SERPINA1: variants seen among roughly 807,000 people sequenced by gnomAD.
SERPINA1 encodes the protein alpha-1-antitrypsin.
SERPINA1 carries 21 observed loss-of-function variants against 25.4 expected under a neutral mutation model. That is an observed-to-expected ratio of 0.83 (90% CI 0.59 to 1.19). The LOEUF is 1.19. Among genes scored for constraint, SERPINA1 ranks in the 50% most tolerant of loss-of-function variants. SERPINA1 has a pLI of 0.00. For synonymous variants in SERPINA1, 218 were observed against 211.1 expected (o/e 1.03, Z -0.29); for missense variants, 546 against 509.0 (o/e 1.07, Z -0.70).
chr14:94,385,594 T>C (rs1415590003), intron 1 of SERPINA1, among the ~76,000 whole-genome samples: 1 of 152,252 alleles, frequency 6.6e-6, no homozygotes, highest in Non-Finnish European at 1.5e-5. Context: ...CCCAAAGTGC[T>C]GGGGTTACAG....
upstream of SERPINA1, chr14:94,389,484 A>T (rs913344062): frequency 7.9e-5 from 12 of 152,200 alleles, no homozygotes; most frequent in African/African-American, 2.9e-4. Flanking sequence ...CTGGAAAACC[A>T]GTGTGATCCG....
rs1223721712 is a variant in SERPINA1 at position 94,377,200 on chromosome 14, T to C, written c.*1249A>G. On this transcript the variant is annotated 3_prime_UTR_variant, in exon 5 of 5. Coordinates refer to ENST00000393087, the MANE Select transcript of SERPINA1 (RefSeq NM_000295.5). ...GAGTGGTTAGACAGTGATTCCTAGA[T>C]TAGTTTGGGATGGGGCAGTGCCTTC... 6.6e-6 allele frequency: 1 copy of C among 152,238 alleles called. No individual in the cohort carries two copies. Among genetic ancestry groups the C allele is most frequent in the Non-Finnish European group, 1.5e-5 (1 of 68,056 alleles). 9.4% of individuals were successfully genotyped at this position (152,238 alleles called of 1,614,324 possible). A position where few individuals can be genotyped will look rare whatever the true frequency, so the allele number is the denominator to read the frequency against.
intron 1 of SERPINA1, among the ~76,000 whole-genome samples, chr14:94,387,332 C>T (rs1016456583): frequency 3.9e-5 from 6 of 152,204 alleles, no homozygotes; most frequent in African/African-American, 1.4e-4. Flanking sequence ...ACATAAAATG[C>T]CAAGAAGTGC....
At chr14:94,390,415 C>T (rs1025446763), upstream of SERPINA1, 1 of 152,638 alleles carries the variant, frequency 6.6e-6, no homozygotes, top group Non-Finnish European at 1.5e-5. Flanking sequence ...TGCTGTCCCT[C>T]CCACCTGTGG....
intron 1 of SERPINA1, among the ~76,000 whole-genome samples, chr14:94,386,249 G>A (rs948469292): frequency 3.9e-5 from 6 of 152,290 alleles, no homozygotes; most frequent in East Asian, 3.9e-4. Context: ...AAGAATGAAG[G>A]CTTCATGGTG....
At chr14:94,382,432 A>G (rs1490234604) in intron 2 of SERPINA1, among the ~76,000 whole-genome samples, 160 bp downstream of exon 2, 1 of 152,252 alleles carries the variant, frequency 6.6e-6, no homozygotes, top group Non-Finnish European at 1.5e-5. Context: ...TCAATGATGG[A>G]AAACATTTTA....
intron 3 of SERPINA1, 92 bp from the exon 4 acceptor site, chr14:94,379,703 AT>A: frequency 6.4e-7 from 1 of 1,572,434 alleles, no homozygotes; most frequent in East Asian, 2.2e-5. Flanking sequence ...TTTTCTGATT[AT>A]TTCTGCCACT....
intron 1 of SERPINA1, chr14:94,384,243 C>T (rs1448961689): frequency 1.3e-5 from 2 of 152,198 alleles, no homozygotes; most frequent in Non-Finnish European, 2.9e-5. Context: ...CAGGACAAGT[C>T]ATTCATCTCC....
intron 2 of SERPINA1, 100 bp downstream of exon 2, chr14:94,382,492 G>T: frequency 7.4e-7 from 1 of 1,357,986 alleles, no homozygotes; most frequent in South Asian, 1.2e-5. Flanking sequence ...GCATTGCTAT[G>T]GCCCATAATG....
rs775041289 is a variant in SERPINA1, at chr14:94,383,151, T to G, written c.87A>C (p.Gly29=). 3 of 1,614,034 alleles carry G rather than the reference T, an allele frequency of 1.9e-6. No individual in the cohort carries two copies. The African/African-American group carries it at 4.0e-5, about 22-fold the overall frequency. The change falls in exon 2 of 5, where the codon GGA becomes GGC. Residue 29 remains glycine, a synonymous_variant. Transcript: ENST00000393087. ...ATGTATCTGTCTTCTGGGCAGCATC[T>G]CCCTGGGGATCCTCAGCCAGGGAGA... ...VPVSLAEDPQ[G]DAAQKTDTSH...
At chr14:94,384,524 C>A (rs1897169091) in intron 1 of SERPINA1, among the ~76,000 whole-genome samples, 2 of 152,144 alleles carry the variant, frequency 1.3e-5, no homozygotes, top group South Asian at 2.1e-4. Context: ...AAGTCAACGT[C>A]ATCCACAGCA....
rs199422211 is a variant in SERPINA1 at position 94,381,067 on chromosome 14, T to A, written c.721A>T (p.Lys241Ter). Residue 241 changes from lysine to a stop codon, truncating the protein, a stop_gained, in exon 3 of 5, where the codon AAG becomes TAG. Coordinates refer to ENST00000393087, the MANE Select transcript of SERPINA1 (RefSeq NM_000295.5). LOFTEE classifies it high-confidence loss of function. Reference protein sequence around the residue: ...DFHVDQVTTVKVPMMKRLGMF... With the variant: ...DFHVDQVTTV The stretch of plus-strand genomic sequence containing the variant: ...CCTAAACGCTTCATCATAGGCACCT[T>A]CACGGTGGTCACCTGGTCCACGTGG... 35 of 1,613,926 alleles carry A rather than the reference T, an allele frequency of 2.2e-5. No homozygotes were observed. The highest frequency in any genetic ancestry group is 2.9e-5 in the Non-Finnish European group (34 of 1,180,018).
At chr14:94,378,904 CACGTCTG>C (rs535461370) in intron 4 of SERPINA1, among the ~76,000 whole-genome samples, 2,236 of 152,350 alleles carry the variant, frequency 0.015, 7 homozygotes, top group Middle Eastern at 0.071. Flanking sequence ...ATCGTCACTC[CACGTCTG>C]CCTCCAGGGC....
chr14:94,389,055 A>G (rs1897501697), upstream of SERPINA1: 1 of 152,270 alleles, frequency 6.6e-6, no homozygotes, highest in South Asian at 2.1e-4. Flanking sequence ...AGATGAGGAA[A>G]CAGGCTCAGA....
chr14:94,384,744 G>A (rs767347448), intron 1 of SERPINA1, among the ~76,000 whole-genome samples: 1 of 152,008 alleles, frequency 6.6e-6, no homozygotes, highest in African/African-American at 2.4e-5. Flanking sequence ...CAAAGAAAAA[G>A]GTGTCCTTGA....
intron 1 of SERPINA1, among the ~76,000 whole-genome samples, chr14:94,386,627 C>G (rs370198291): frequency 2.0e-5 from 3 of 152,200 alleles, no homozygotes; most frequent in African/African-American, 7.2e-5. Context: ...CCTCCCTGTA[C>G]CTGCACACAG....
chr14:94,379,897 T>A (rs1440931806), intron 3 of SERPINA1, among the ~76,000 whole-genome samples: 1 of 151,966 alleles, frequency 6.6e-6, no homozygotes, highest in Non-Finnish European at 1.5e-5. Flanking sequence ...TAGTGTTGGG[T>A]CACCTGGCCC....
chr14:94,379,722 G>A (rs1387339136), intron 3 of SERPINA1, 111 bp from the exon 4 acceptor site: 1 of 1,446,380 alleles, frequency 6.9e-7, no homozygotes, highest in East Asian at 2.3e-5. Flanking sequence ...ACTTACTCCT[G>A]TGTCCTCCAC....
At chr14:94,388,388 C>T (rs1169420294) in intron 1 of SERPINA1, among the ~76,000 whole-genome samples, 172 bp downstream of exon 1, 2 of 152,112 alleles carry the variant, frequency 1.3e-5, no homozygotes, top group Admixed American at 1.3e-4. Context: ...ACCCTCATGG[C>T]TGCTGTTATT....
Sources: allele counts gnomAD v4.1 joint callset (sites outside exome capture counted in the v4.1 genomes callset), GRCh38; gene constraint gnomAD v4.1.1; transcripts MANE v1.5; gene names NCBI Gene and HGNC (gene_info 2026-07-23, HGNC 2026-07-21).